Variants in KLHL26 observed in about 807,000 individuals in gnomAD.
KLHL26 encodes kelch-like protein 26.
Under a neutral mutation model 7.1 loss-of-function variants are expected in KLHL26, and 4 were observed. The observed-to-expected ratio is 0.56, with a 90% CI of 0.28 to 1.28. The LOEUF (loss-of-function observed/expected upper bound fraction) is 1.28. Among genes scored for constraint, KLHL26 ranks in the 50% most tolerant of loss-of-function variants. The probability of loss-of-function intolerance (pLI) is 0.11; values close to 1 mark genes in which losing one functional copy is unlikely to be tolerated. For missense variants in KLHL26, 896 were observed against 924.6 expected (o/e 0.97, Z 0.40); for synonymous variants, 465 against 414.1 (o/e 1.12, Z -1.49).
intron 1 of KLHL26, among the ~76,000 whole-genome samples, chr19:18,659,973 G>A (rs560770259): frequency 1.3e-5 from 2 of 152,340 alleles, no homozygotes; most frequent in South Asian, 2.1e-4. Context: ...GCGGGGGTTC[G>A]AGGGCCCCAC....
intron 1 of KLHL26, among the ~76,000 whole-genome samples, chr19:18,645,782 A>G (rs951997226): frequency 6.6e-6 from 1 of 151,456 alleles, no homozygotes; most frequent in Admixed American, 6.6e-5. Flanking sequence ...ACTGCACTCC[A>G]GCCTGAGCGA....
At position 18,640,551 on chromosome 19, in the gene KLHL26, A is replaced by ATTT. The variant is rs56247740; in HGVS notation, c.83+3437_83+3439dup. 4.3e-3 allele frequency among the ~76,000 whole-genome samples: 418 copies of ATTT among 96,580 alleles called. 10 individuals carry two copies. Among genetic ancestry groups the ATTT allele is most frequent in the African/African-American group, 0.017 (379 of 22,626 alleles). 63.4% of individuals were successfully genotyped at this position (96,580 alleles called of 152,430 possible). ...AGCCACTACGCCTGGCTATGTTTTAATTTTTTTTTTTTTTTTTTTTTTTTT... is the reference window on the plus strand; with the variant it reads ...AGCCACTACGCCTGGCTATGTTTTAATTTTTTTTTTTTTTTTTTTTTTTTTTTT... On this transcript the variant is annotated intron_variant, in intron 1 of 2. Coordinates refer to ENST00000300976, the MANE Select transcript of KLHL26 (RefSeq NM_018316.3).
rs1168254193 is a variant in KLHL26 at position 18,669,044 on chromosome 19, G to A, written c.1647G>A (p.Gln549=). 1.2e-6 allele frequency: 2 copies of A among 1,612,846 alleles called. No homozygotes were observed. The highest frequency in any genetic ancestry group is 1.7e-4 in the Middle Eastern group (1 of 6,060). ...WTSVSPMRAG[Q]SEAGCCLLER... ...GCGTGAGCCCCATGCGGGCCGGCCAGTCAGAGGCCGGCTGCTGCCTGCTGG... is the reference window on the plus strand; with the variant it reads ...GCGTGAGCCCCATGCGGGCCGGCCAATCAGAGGCCGGCTGCTGCCTGCTGG... The change falls in exon 3 of 3, where the codon CAG becomes CAA. Residue 549 remains glutamine (Q), a synonymous_variant. Transcript: ENST00000300976.
chr19:18,639,232 T>G (rs1976669944), intron 1 of KLHL26, among the ~76,000 whole-genome samples: 1 of 151,450 alleles, frequency 6.6e-6, no homozygotes, highest in Non-Finnish European at 1.5e-5. Context: ...CCCGCCACCA[T>G]GCCTGGCTAA....
At position 18,656,915 on chromosome 19, in the gene KLHL26, G is replaced by A. The variant is rs1008120924; in HGVS notation, c.84-7346G>A. On this transcript the variant is annotated intron_variant, in intron 1 of 2. Transcript: ENST00000300976. This position sits in a 1 kb window ranked among gnomAD's most constrained non-coding sequence, Gnocchi z 4.4. ...ACAGCTGCACCCTGGCGGCCCCTGA[G>A]CTGCAGTCTCTGTCTCCCTGTCTCT... Among the ~76,000 whole-genome samples the A allele has an allele frequency of 6.6e-6, 1 of 152,124 alleles. No individual in the cohort carries two copies. Among genetic ancestry groups the A allele is most frequent in the Non-Finnish European group, 1.5e-5 (1 of 68,004 alleles).
chr19:18,658,909 C>A (rs539784115), intron 1 of KLHL26, among the ~76,000 whole-genome samples: 1 of 150,876 alleles, frequency 6.6e-6, no homozygotes, highest in South Asian at 2.1e-4. Flanking sequence ...TGTCCCCTCT[C>A]TCTGGGTCTC....
chr19:18,655,132 G>A (rs563119688), intron 1 of KLHL26, among the ~76,000 whole-genome samples: 2 of 152,288 alleles, frequency 1.3e-5, no homozygotes, highest in South Asian at 4.1e-4. Flanking sequence ...GGCTCTCCCA[G>A]CGGGACCTGG....
Position 18,671,254 on chromosome 19 carries a change from C to T in KLHL26, c.*2009C>T, listed in dbSNP as rs1182699460. On this transcript the variant is annotated 3_prime_UTR_variant, in exon 3 of 3. Transcript: ENST00000300976. ...GGCAGCCATCGGGGCTGGGGTAACA[C>T]TAGAGGCTGAGGGGGTGGGCAGTGC... 6.6e-6 allele frequency: 1 copy of T among 152,202 alleles called. No homozygotes were observed. Among genetic ancestry groups the T allele is most frequent in the Non-Finnish European group, 1.5e-5 (1 of 68,058 alleles). 9.4% of individuals were successfully genotyped at this position (152,202 alleles called of 1,614,324 possible).
Position 18,664,430 on chromosome 19 carries a change from A to G in KLHL26, c.253A>G (p.Ser85Gly). 6.3e-7 allele frequency: 1 copy of G among 1,586,410 alleles called. No individual in the cohort carries two copies. The highest frequency in any genetic ancestry group is 1.1e-5 in the South Asian group (1 of 88,844). The change falls in exon 2 of 3, where the codon AGC becomes GGC. Residue 85 changes from serine to glycine, a missense_variant. By Grantham distance (56) the Ser-to-Gly change is moderately conservative. Transcript: ENST00000300976. ...ACACAAGGTCGTCCTGGCTGCCTGC[A>G]GCGACTACTTCAGGTAAGTGCTGGC... ...PAHKVVLAAC[S>G]DYFRAMFTGG...
At position 18,669,416 on chromosome 19, in the gene KLHL26, A is replaced by C; in HGVS notation, c.*171A>C. On this transcript the variant is annotated 3_prime_UTR_variant, in exon 3 of 3. Coordinates refer to ENST00000300976, the MANE Select transcript of KLHL26 (RefSeq NM_018316.3). ...GGGGTCCCTCCCTCCCTCCTTCCCA[A>C]AGCAGATCCTGGCTGCGAGTCCATC... is the stretch of plus-strand genomic sequence containing the variant. The C allele has an allele frequency of 1.7e-6, 1 of 600,782 alleles. No homozygotes were observed. Among genetic ancestry groups the C allele is most frequent in the Non-Finnish European group, 2.9e-6 (1 of 340,574 alleles). 37.2% of individuals were successfully genotyped at this position (600,782 alleles called of 1,614,324 possible). A position where few individuals can be genotyped will look rare whatever the true frequency, so the allele number is the denominator to read the frequency against.
intron 1 of KLHL26, among the ~76,000 whole-genome samples, chr19:18,647,263 C>T (rs1218323613): frequency 2.0e-5 from 3 of 152,308 alleles, no homozygotes; most frequent in East Asian, 3.9e-4. Context: ...GCCTCCTTGT[C>T]GTTGTCCGTA....
rs2052236801 is a variant in KLHL26 at position 18,650,311 on chromosome 19, G to A, written c.83+13174G>A. The stretch of plus-strand genomic sequence containing the variant: ...TGATCACCCAGATCGTCTGAGAGCG[G>A]GACATTTTCCCGGAGCGGGGTGGAA... On this transcript the variant is annotated intron_variant, in intron 1 of 2. Transcript: ENST00000300976. This position sits in a 1 kb window ranked among gnomAD's most constrained non-coding sequence, Gnocchi z 4.2. Among the ~76,000 whole-genome samples the A allele has an allele frequency of 6.6e-6, 1 of 152,190 alleles. No homozygotes were observed. The highest frequency in any genetic ancestry group is 1.5e-5 in the Non-Finnish European group (1 of 68,034).
In KLHL26 at chr19:18,646,685, C is replaced by T. The variant is rs887841177; in HGVS notation, c.83+9548C>T. Among the ~76,000 whole-genome samples, 2 of 152,156 alleles carry T rather than the reference C, an allele frequency of 1.3e-5. No individual in the cohort carries two copies. Among genetic ancestry groups the T allele is most frequent in the African/African-American group, 2.4e-5 (1 of 41,422 alleles). On this transcript the variant is annotated intron_variant, in intron 1 of 2. Transcript: ENST00000300976. The surrounding 1 kb of genome is among the most constrained non-coding windows in gnomAD (Gnocchi z 5.0). Reference sequence around the variant, plus strand: ...ATCAGTGTTACTGTGGCAGTGCTGACGCCCATGATGGGGACACTGCCATCC... The same window carrying T: ...ATCAGTGTTACTGTGGCAGTGCTGATGCCCATGATGGGGACACTGCCATCC...
Position 18,669,212 on chromosome 19 carries a change from C to T in KLHL26, c.1815C>T (p.Pro605=), listed in dbSNP as rs760014119. 1.1e-4 allele frequency: 177 copies of T among 1,611,546 alleles called. 1 individual carries two copies. The South Asian group carries it at 1.7e-3, about 16-fold the overall frequency. The change falls in exon 3 of 3, where the codon CCC becomes CCT. Residue 605 remains proline, a synonymous_variant. Coordinates refer to ENST00000300976, the MANE Select transcript of KLHL26 (RefSeq NM_018316.3). The part of the protein sequence containing the change: ...PESFAGIACA[P]VLLPRAGTRR ...CCTTCGCAGGCATAGCCTGCGCCCC[C>T]GTCCTGCTGCCCCGGGCCGGGACCA...
rs2052525964 is a variant in KLHL26 at position 18,671,706 on chromosome 19, T to C, written c.*2461T>C. ...AAACTTTAAACATGAAAAAGCTGTT[T>C]TTAATTTAGCAGAAACTGGCTTGAA... is the stretch of plus-strand genomic sequence containing the variant. On this transcript the variant is annotated 3_prime_UTR_variant, in exon 3 of 3. Transcript: ENST00000300976. 2 of 152,256 alleles carry C rather than the reference T, an allele frequency of 1.3e-5. No individual in the cohort carries two copies. Among genetic ancestry groups the C allele is most frequent in the Admixed American group, 1.3e-4 (2 of 15,288 alleles). The allele number at this position is 152,256 out of a possible 1,614,324, so 9.4% of individuals were successfully genotyped here.
intron 1 of KLHL26, among the ~76,000 whole-genome samples, chr19:18,652,245 C>A (rs1263209932): frequency 6.6e-6 from 1 of 152,022 alleles, no homozygotes. Context: ...CACTAGGACT[C>A]GGGCCAGGAG....
chr19:18,654,030 T>TCCAC (rs1412876260), intron 1 of KLHL26, among the ~76,000 whole-genome samples: 3 of 92,926 alleles, frequency 3.2e-5, no homozygotes, highest in African/African-American at 1.3e-4. Flanking sequence ...CATCCATCCA[T>TCCAC]CCACCCACCT....
chr19:18,665,708 G>C (rs1044546789), intron 2 of KLHL26, among the ~76,000 whole-genome samples: 1 of 152,200 alleles, frequency 6.6e-6, no homozygotes, highest in Non-Finnish European at 1.5e-5. Context: ...GCTGTGGGGT[G>C]GGGGGTGCTT....
intron 1 of KLHL26, among the ~76,000 whole-genome samples, chr19:18,647,029 G>A (rs1976815158): frequency 6.6e-6 from 1 of 152,214 alleles, no homozygotes; most frequent in Non-Finnish European, 1.5e-5. Context: ...AGCCCAAGAA[G>A]GGCACTGGCC....
Sources: allele counts gnomAD v4.1 joint callset (sites outside exome capture counted in the v4.1 genomes callset), GRCh38; gene constraint gnomAD v4.1.1; non-coding constraint Gnocchi (gnomAD v3.1); transcripts MANE v1.5; gene names NCBI Gene and HGNC (gene_info 2026-07-23, HGNC 2026-07-21).